The following FA2H variants were observed in gnomAD, a reference collection of about 807,000 sequenced individuals.
FA2H encodes the protein fatty acid alpha-hydroxylase.
A neutral mutation model predicts 44.9 loss-of-function variants in FA2H; 22 were observed. That is an observed-to-expected ratio of 0.49 (90% CI 0.35 to 0.70). The LOEUF is 0.70. FA2H is among the 30% of genes least tolerant of loss of function. The probability of loss-of-function intolerance (pLI) is 0.01; values close to 1 mark genes in which losing one functional copy is unlikely to be tolerated. For missense variants in FA2H, 501 were observed against 504.9 expected (o/e 0.99, Z 0.07); for synonymous variants, 243 against 213.2 (o/e 1.14, Z -1.22).
At chr16:74,748,302 C>T (rs958737590) in intron 1 of FA2H, among the ~76,000 whole-genome samples, 1 of 152,322 alleles carries the variant, frequency 6.6e-6, no homozygotes, top group South Asian at 2.1e-4. Context: ...CTTCCCCCAC[C>T]CCCCACGTGG....
At chr16:74,742,921 T>C (rs1489304123) in intron 1 of FA2H, among the ~76,000 whole-genome samples, 5 of 152,212 alleles carry the variant, frequency 3.3e-5, no homozygotes, top group Non-Finnish European at 7.3e-5. Context: ...ATAGGAAGTA[T>C]GTGTTTTCAG....
intron 1 of FA2H, among the ~76,000 whole-genome samples, chr16:74,751,452 C>A (rs1418710503): frequency 6.6e-6 from 1 of 152,104 alleles, no homozygotes; most frequent in Non-Finnish European, 1.5e-5. Flanking sequence ...GAATTCATGA[C>A]AACTGGTGAC....
At chr16:74,724,787 T>C (rs1961916203) in intron 4 of FA2H, among the ~76,000 whole-genome samples, 1 of 151,998 alleles carries the variant, frequency 6.6e-6, no homozygotes, top group African/African-American at 2.4e-5. Context: ...CCTCAAATCA[T>C]CCTCCCTGCC....
rs146060468 is a variant in FA2H, at chr16:74,727,279, G to C, written c.471C>G (p.His157Gln). 1.7e-5 allele frequency: 28 copies of C among 1,614,202 alleles called. No homozygotes were observed. In the African/African-American group the frequency reaches 3.2e-4, roughly 18 times the overall value. The stretch of plus-strand genomic sequence containing the variant: ...TAGAGAGGCCCTCAATGAGGTCTGA[G>C]TGGAAGAGGCGGATGGGCCTGGTCA... Reference protein sequence around the residue: ...QPVTRPIRLFHSDLIEGLSKT... With the variant: ...QPVTRPIRLFQSDLIEGLSKT... The change falls in exon 3 of 7, where the codon CAC becomes CAG. Residue 157 changes from histidine (H) to glutamine (Q), a missense_variant. Coordinates refer to ENST00000219368, the MANE Select transcript of FA2H (RefSeq NM_024306.5).
intron 1 of FA2H, among the ~76,000 whole-genome samples, chr16:74,773,168 G>T (rs1309695231): frequency 1.3e-5 from 2 of 152,098 alleles, no homozygotes; most frequent in South Asian, 2.1e-4. Flanking sequence ...CAGCCACTTT[G>T]CCTGGCCTCA....
intron 1 of FA2H, among the ~76,000 whole-genome samples, chr16:74,764,269 G>A (rs2144661720): frequency 6.6e-6 from 1 of 152,242 alleles, no homozygotes; most frequent in South Asian, 2.1e-4. Context: ...ACATGTACAT[G>A]TATGTTCATT....
At chr16:74,743,371 TA>T (rs1962350933) in intron 1 of FA2H, among the ~76,000 whole-genome samples, 1 of 152,222 alleles carries the variant, frequency 6.6e-6, no homozygotes, top group African/African-American at 2.4e-5. Context: ...GCTGGCTAAA[TA>T]GAAACAGCAC....
At chr16:74,761,857 TG>T (rs1464159772) in intron 1 of FA2H, among the ~76,000 whole-genome samples, 1 of 152,152 alleles carries the variant, frequency 6.6e-6, no homozygotes, top group Admixed American at 6.5e-5. Context: ...ACAACTCCAT[TG>T]CCAAATAAGG....
At chr16:74,723,571 G>T (rs1961885058) in intron 4 of FA2H, among the ~76,000 whole-genome samples, 1 of 152,118 alleles carries the variant, frequency 6.6e-6, no homozygotes, top group Non-Finnish European at 1.5e-5. Context: ...GGAGGCTGTG[G>T]TTACTGACAT....
chr16:74,761,736 T>A lies in FA2H; in HGVS notation c.270+12750A>T, dbSNP rs573258025. 9.2e-5 allele frequency among the ~76,000 whole-genome samples: 14 copies of A among 152,276 alleles called. No homozygotes were observed. The South Asian group carries it at 1.9e-3, about 20-fold the overall frequency. ...TCTCTTTGATGGTTAGAGGGTGCTA[T>A]CATCCAACAATATGCAATGTATCAA... On this transcript the variant is annotated intron_variant, in intron 1 of 6. Coordinates refer to ENST00000219368, the MANE Select transcript of FA2H (RefSeq NM_024306.5).
At chr16:74,732,242 T>C (rs1176548998) in intron 2 of FA2H, among the ~76,000 whole-genome samples, 1 of 152,146 alleles carries the variant, frequency 6.6e-6, no homozygotes, top group East Asian at 1.9e-4. Context: ...GATACTGCTA[T>C]CCTGTGATTC....
At position 74,740,584 on chromosome 16, in the gene FA2H, A is replaced by T. The variant is rs56948783; in HGVS notation, c.271-469T>A. Among the ~76,000 whole-genome samples, 1,270 of 150,084 alleles carry T rather than the reference A, an allele frequency of 8.5e-3. 22 individuals are homozygous for T. The highest frequency in any genetic ancestry group is 0.03 in the African/African-American group (1,221 of 40,958). On this transcript the variant is annotated intron_variant, in intron 1 of 6. Transcript: ENST00000219368. ...GCAGTGAGCCGAGATCCAGCCTGGC[A>T]CTCCAGCCTGGACGACAGAGCAAGA...
chr16:74,720,384 G>T (rs12448608), intron 4 of FA2H, among the ~76,000 whole-genome samples: 130,852 of 150,760 alleles, frequency 0.87, 57,169 homozygotes, highest in African/African-American at 0.97. Flanking sequence ...TTAGTAGAGA[G>T]GGGGTTTCAC....
rs1471454218 is a variant in FA2H at position 74,716,574 on chromosome 16, A to C, written c.812T>G (p.Val271Gly). Residue 271 changes from valine to glycine, a missense_variant, in exon 6 of 7, where the codon GTC becomes GGC. Transcript: ENST00000219368. ...CAGGGAGGCTGGCACAGGGGGGAAG[A>C]CCAGGCGGGAGCCGTCGAAGGGTGC... is the stretch of plus-strand genomic sequence containing the variant. Reference protein sequence around the residue: ...HKAPFDGSRLVFPPVPASLVI... With the variant: ...HKAPFDGSRLGFPPVPASLVI... The C allele has an allele frequency of 1.3e-6, 2 of 1,587,188 alleles. No homozygotes were observed. The highest frequency in any genetic ancestry group is 2.3e-5 in the South Asian group (2 of 88,328).
At chr16:74,741,830 GTGTGTGTAT>G (rs202131446) in intron 1 of FA2H, among the ~76,000 whole-genome samples, 24,872 of 118,166 alleles carry the variant, frequency 0.21, 3,191 homozygotes, top group East Asian at 0.33. Flanking sequence ...GTGTGTGTGT[GTGTGTGTAT>G]GTGTGTGTAT....
chr16:74,765,493 T>C (rs1191389040), intron 1 of FA2H, among the ~76,000 whole-genome samples: 1 of 151,996 alleles, frequency 6.6e-6, no homozygotes, highest in Admixed American at 6.6e-5. Flanking sequence ...TATGCTAATA[T>C]TTCCTTTTCA....
chr16:74,763,257 AT>A (rs905478781), intron 1 of FA2H, among the ~76,000 whole-genome samples: 44 of 151,462 alleles, frequency 2.9e-4, no homozygotes, highest in East Asian at 5.8e-4. Context: ...AACGTTTGGA[AT>A]TTTTTTTTGT....
intron 1 of FA2H, among the ~76,000 whole-genome samples, chr16:74,751,548 C>T (rs1334980947): frequency 2.0e-5 from 3 of 151,980 alleles, no homozygotes; most frequent in Non-Finnish European, 4.4e-5. Context: ...CCTTAAATGA[C>T]CACAGGGTAA....
At chr16:74,724,590 C>G (rs1417874681) in intron 4 of FA2H, among the ~76,000 whole-genome samples, 1 of 152,174 alleles carries the variant, frequency 6.6e-6, no homozygotes, top group African/African-American at 2.4e-5. Context: ...TTTGTGGGCT[C>G]TTATTTTCTC....
Sources: allele counts gnomAD v4.1 joint callset (sites outside exome capture counted in the v4.1 genomes callset), GRCh38; gene constraint gnomAD v4.1.1; transcripts MANE v1.5; gene names NCBI Gene and HGNC (gene_info 2026-07-23, HGNC 2026-07-21).